PRRC2C: variants seen among roughly 807,000 people sequenced by gnomAD.
The protein encoded by PRRC2C is proline rich coiled-coil 2C, also known as protein PRRC2C.
In PRRC2C, 72 loss-of-function variants were observed where a neutral mutation model predicts 317.2. The ratio of observed to expected loss-of-function variants is 0.23; its 90% CI spans 0.19 to 0.28. The LOEUF (loss-of-function observed/expected upper bound fraction) is 0.28. Among genes scored for constraint, PRRC2C ranks in the 10% least tolerant of loss-of-function variants. PRRC2C has a pLI of 1.00. For synonymous variants in PRRC2C, 1,296 were observed against 1,205.9 expected (o/e 1.07, Z -1.55); for missense variants, 3,074 against 3,459.7 (o/e 0.89, Z 2.80).
rs377611109 is a variant in PRRC2C at position 171,588,422 on chromosome 1, A to T, written c.8116A>T (p.Ser2706Cys). 2 of 1,613,442 alleles carry T rather than the reference A, an allele frequency of 1.2e-6. No individual in the cohort carries two copies. Among genetic ancestry groups the T allele is most frequent in the African/African-American group, 1.3e-5 (1 of 74,934 alleles). ...GAACAGCCAGTCCAGCAAAATGAAC[A>T]GCATTGTCTACCAGAAGCAGTTCCA... ...SPNSQSSKMN[S>C]IVYQKQFQSA... The change falls in exon 33 of 35, where the codon AGC becomes TGC. Residue 2706 changes from serine to cysteine, a missense_variant. Physicochemically the swap from Ser to Cys is moderately radical, Grantham distance 112 (BLOSUM62 -1). Coordinates refer to ENST00000647382, the MANE Select transcript of PRRC2C (RefSeq NM_001387844.1).
intron 4 of PRRC2C, 28 bp downstream of exon 4, chr1:171,514,673 C>G: frequency 6.5e-7 from 1 of 1,531,286 alleles, no homozygotes; most frequent in African/African-American, 1.4e-5. Flanking sequence ...GGGGAAGCTG[C>G]CTAGGCTTGA....
chr1:171,564,410 T>C (rs1378975122), intron 20 of PRRC2C, among the ~76,000 whole-genome samples: 1 of 152,224 alleles, frequency 6.6e-6, no homozygotes, highest in Non-Finnish European at 1.5e-5. Context: ...TTAACATTTT[T>C]GTATATACAG....
chr1:171,568,185 G>A (rs1684041416), intron 22 of PRRC2C, 62 bp from the exon 23 acceptor site: 13 of 1,501,292 alleles, frequency 8.7e-6, no homozygotes, highest in Non-Finnish European at 1.2e-5. Context: ...TCAAAAAAAA[G>A]AGGAAGAAGT....
Position 171,513,077 on chromosome 1 carries a change from T to C in PRRC2C, c.195T>C (p.Leu65=), listed in dbSNP as rs1259263448. 2.2e-5 allele frequency: 36 copies of C among 1,613,714 alleles called. No homozygotes were observed. Among genetic ancestry groups the C allele is most frequent in the Non-Finnish European group, 3.0e-5 (35 of 1,179,824 alleles). ...RMPPPANLPS[L]KAENKGNDPN... ...CTCCACCTGCTAACCTCCCAAGTCTTAAAGCAGAAAACAAAGGCAATGATC... is the reference window on the plus strand; with the variant it reads ...CTCCACCTGCTAACCTCCCAAGTCTCAAAGCAGAAAACAAAGGCAATGATC... The change falls in exon 3 of 35, where the codon CTT becomes CTC. Residue 65 remains leucine, a synonymous_variant. Transcript: ENST00000647382.
chr1:171,522,208 C>A lies in PRRC2C; in HGVS notation c.782C>A (p.Pro261His). The A allele has an allele frequency of 6.3e-7, 1 of 1,593,302 alleles. No homozygotes were observed. The highest frequency in any genetic ancestry group is 1.1e-5 in the South Asian group (1 of 88,872). ...CAACAGTATCCGAGGATGACATATC[C>A]TCCTCTACATGGTCCCATGAGATTC... ...MFQQYPRMTYPPLHGPMRFPP... is the reference protein window; with the variant it reads ...MFQQYPRMTYHPLHGPMRFPP... The change falls in exon 7 of 35, where the codon CCT becomes CAT. Residue 261 changes from proline to histidine, a missense_variant. Physicochemically the swap from Pro to His is moderately conservative, Grantham distance 77 (BLOSUM62 -2). Coordinates refer to ENST00000647382, the MANE Select transcript of PRRC2C (RefSeq NM_001387844.1).
chr1:171,529,789 C>A (rs1675425576), intron 11 of PRRC2C, among the ~76,000 whole-genome samples: 2 of 152,194 alleles, frequency 1.3e-5, no homozygotes, highest in South Asian at 4.1e-4. Context: ...GTCTACTTTT[C>A]TAATTTCATC....
At chr1:171,585,431 G>A (rs1649652520) in intron 30 of PRRC2C, among the ~76,000 whole-genome samples, 1 of 97,440 alleles carries the variant, frequency 1.0e-5, no homozygotes. Flanking sequence ...CTTTAAAAGT[G>A]GTGGAGGGCT....
At chr1:171,576,640 G>GGTTTT (rs1344074537) in intron 25 of PRRC2C, among the ~76,000 whole-genome samples, 1 of 151,922 alleles carries the variant, frequency 6.6e-6, no homozygotes, top group African/African-American at 2.4e-5. Flanking sequence ...TATACCAGGT[G>GGTTTT]GTTTTGTTTT....
Position 171,517,782 on chromosome 1 carries a change from G to A in PRRC2C, c.718G>A (p.Ala240Thr), listed in dbSNP as rs568998315. 178 of 1,613,402 alleles carry A rather than the reference G, an allele frequency of 1.1e-4. No homozygotes were observed. Among genetic ancestry groups the A allele is most frequent in the African/African-American group, 2.4e-4 (18 of 75,000 alleles). Residue 240 changes from alanine (A) to threonine (T), a missense_variant, in exon 6 of 35, where the codon GCT becomes ACT. Coordinates refer to ENST00000647382, the MANE Select transcript of PRRC2C (RefSeq NM_001387844.1). ...AKLNGQQAAL[A>T]SQYRAMMPPY... The stretch of plus-strand genomic sequence containing the variant: ...ACTGAATGGACAGCAGGCTGCTCTC[G>A]CTTCCCAGTATAGAGCTATGATGCC...
chr1:171,568,460 A>G, intron 23 of PRRC2C, 121 bp downstream of exon 23: 1 of 1,396,202 alleles, frequency 7.2e-7, no homozygotes, highest in Non-Finnish European at 9.4e-7. Flanking sequence ...AAGAGTTGAT[A>G]GTAAATTTGT....
chr1:171,556,207 C>T (rs1178632423), intron 18 of PRRC2C, among the ~76,000 whole-genome samples: 2 of 152,246 alleles, frequency 1.3e-5, no homozygotes, highest in African/African-American at 2.4e-5. Flanking sequence ...GAGCAAGGCT[C>T]TATGGGCGTG....
chr1:171,525,120 T>C lies in PRRC2C; in HGVS notation c.1200+155T>C, dbSNP rs1674328803. 2.0e-5 allele frequency among the ~76,000 whole-genome samples: 3 copies of C among 152,210 alleles called. No homozygotes were observed. The South Asian group carries it at 6.2e-4, about 31-fold the overall frequency. ...TTCTTGAATAGTCTTGAATCTATCA[T>C]AATTTTTATTGCATTTAACCGGAAT... On this transcript the variant is annotated intron_variant, in intron 10 of 34. Coordinates refer to ENST00000647382, the MANE Select transcript of PRRC2C (RefSeq NM_001387844.1).
At chr1:171,514,197 A>T (rs1671891264) in intron 3 of PRRC2C, among the ~76,000 whole-genome samples, 1 of 151,930 alleles carries the variant, frequency 6.6e-6, no homozygotes, top group South Asian at 2.1e-4. Context: ...GCTATTTTTA[A>T]TTATAAGTGT....
chr1:171,572,238 C>A (rs371972399), intron 24 of PRRC2C, among the ~76,000 whole-genome samples: 1 of 152,116 alleles, frequency 6.6e-6, no homozygotes, highest in African/African-American at 2.4e-5. Flanking sequence ...ATCCACCTGC[C>A]TCAGCCTCCC....
intron 32 of PRRC2C, 140 bp downstream of exon 32, chr1:171,587,891 A>C: frequency 1.7e-6 from 1 of 597,862 alleles, no homozygotes; most frequent in South Asian, 2.4e-5. Context: ...GTTTTGTCTA[A>C]AATGTTAAGC....
chr1:171,580,466 T>A (rs563404869), intron 28 of PRRC2C, among the ~76,000 whole-genome samples: 17 of 152,228 alleles, frequency 1.1e-4, no homozygotes, highest in Non-Finnish European at 2.4e-4. Flanking sequence ...TCAGATGCAC[T>A]GTAAGTTACC....
rs1222081434 is a variant in PRRC2C, at chr1:171,532,632, G to A, written c.1544G>A (p.Arg515Gln). ...AGGGAAAGGGAGCGAGAAAAAGAAC[G>A]GGAGCGTGAGAAAGAACTTGAAAAA... ...EIREREREKEREREKELEKEQ... is the reference protein window; with the variant it reads ...EIREREREKEQEREKELEKEQ... The change falls in exon 12 of 35, where the codon CGG (arginine) becomes CAG (glutamine). Residue 515 changes from arginine (R) to glutamine (Q), a missense_variant. Coordinates refer to ENST00000647382, the MANE Select transcript of PRRC2C (RefSeq NM_001387844.1). 1.5e-5 allele frequency: 24 copies of A among 1,551,884 alleles called. No individual in the cohort carries two copies. The East Asian group carries it at 2.9e-4, about 19-fold the overall frequency.
intron 1 of PRRC2C, among the ~76,000 whole-genome samples, chr1:171,503,180 TAGA>T (rs1279909370): frequency 6.6e-6 from 1 of 152,190 alleles, no homozygotes; most frequent in Non-Finnish European, 1.5e-5. Context: ...CCTTTGGTGG[TAGA>T]AGGAGGCTTA....
Position 171,550,201 on chromosome 1 carries a change from G to C in PRRC2C, c.5088G>C (p.Gln1696His), listed in dbSNP as rs762046310. The C allele has an allele frequency of 6.2e-7, 1 of 1,605,254 alleles. No individual in the cohort carries two copies. Among genetic ancestry groups the C allele is most frequent in the Non-Finnish European group, 8.5e-7 (1 of 1,175,682 alleles). ...VVSKKQQKRL[Q>H]DEERRKKEEQ... The stretch of plus-strand genomic sequence containing the variant: ...CCAAAAAACAACAAAAACGTTTACA[G>C]GATGAAGAACGCCGAAAGAAGGAAG... Residue 1696 changes from glutamine to histidine, a missense_variant, in exon 18 of 35, where the codon CAG becomes CAC. By Grantham distance (24) the Gln-to-His change is conservative. Coordinates refer to ENST00000647382, the MANE Select transcript of PRRC2C (RefSeq NM_001387844.1).
Sources: gnomAD v4.1 joint callset for allele counts (sites outside exome capture counted in the v4.1 genomes callset) on GRCh38, gnomAD v4.1.1 for gene constraint, MANE v1.5 for transcripts, NCBI Gene and HGNC (gene_info 2026-07-23, HGNC 2026-07-21) for gene names.